The following CPA3 variants were observed in gnomAD, a reference collection of about 807,000 sequenced individuals.
CPA3 encodes carboxypeptidase A3, also known as mast cell carboxypeptidase A.
In CPA3, 52 loss-of-function variants were observed where a neutral mutation model predicts 55.8. That is an observed-to-expected ratio of 0.93 (90% CI 0.75 to 1.17). The LOEUF (loss-of-function observed/expected upper bound fraction) is 1.17. Among genes scored for constraint, CPA3 ranks in the 50% most tolerant of loss-of-function variants. The pLI is 0.00. For missense variants in CPA3, 547 were observed against 509.1 expected, an observed-to-expected ratio of 1.07 and a Z score of -0.72; for synonymous variants, 179 against 171.2, an observed-to-expected ratio of 1.05 and a Z score of -0.36.
At chr3:148,875,184 G>C (rs559317876) in intron 3 of CPA3, among the ~76,000 whole-genome samples, 8 of 152,190 alleles carry the variant, frequency 5.3e-5, no homozygotes, top group African/African-American at 1.9e-4. Context: ...CCAAAGACTA[G>C]AGTGAATGTT....
chr3:148,881,860 AAGT>A (rs1714376619), intron 7 of CPA3, among the ~76,000 whole-genome samples: 1 of 152,204 alleles, frequency 6.6e-6, no homozygotes, highest in Non-Finnish European at 1.5e-5. Context: ...AAATGAAATA[AAGT>A]AGTAATTACA....
intron 3 of CPA3, among the ~76,000 whole-genome samples, chr3:148,875,257 G>C (rs570640913): frequency 1.3e-5 from 2 of 152,274 alleles, no homozygotes; most frequent in Admixed American, 1.3e-4. Flanking sequence ...AAATACATGT[G>C]CATTTCATTA....
intron 10 of CPA3, among the ~76,000 whole-genome samples, chr3:148,891,489 CACACACACACACACACACACACAT>C (rs1361914209): frequency 3.4e-5 from 5 of 147,432 alleles, no homozygotes; most frequent in African/African-American, 1.0e-4. Context: ...CATACACACA[CACACACACACACACACACACACAT>C]ACACACACAC....
At chr3:148,868,775 A>G in intron 2 of CPA3, 140 bp from the exon 3 acceptor site, 1 of 879,706 alleles carries the variant, frequency 1.1e-6, no homozygotes, top group Non-Finnish European at 1.6e-6. Context: ...AATCCCATAA[A>G]CTTATTAAAA....
At position 148,865,467 on chromosome 3, in the gene CPA3, A is replaced by G. The variant is rs180983067; in HGVS notation, c.69-6A>G. On this transcript the variant is annotated splice_polypyrimidine_tract_variant and splice_region_variant and intron_variant, in intron 1 of 10. Transcript: ENST00000296046. ...CACTTTTTTTTTTTCATTTGCCTCC[A>G]CAAAGGGAGAAGGTGTTCCGCGTGA... The G allele has an allele frequency of 2.5e-3, 4,033 of 1,613,552 alleles. 14 individuals carry two copies. Among genetic ancestry groups the G allele is most frequent in the Middle Eastern group, 0.011 (64 of 6,060 alleles).
intron 3 of CPA3, among the ~76,000 whole-genome samples, chr3:148,870,463 A>T (rs185330507): frequency 9.9e-4 from 151 of 152,322 alleles, no homozygotes; most frequent in African/African-American, 3.5e-3. Flanking sequence ...ATTGAAATTT[A>T]AAAATCACGT....
rs778693111 is a variant in CPA3 at position 148,882,555 on chromosome 3, C to G, written c.738C>G (p.Ile246Met). The G allele has an allele frequency of 6.2e-7, 1 of 1,613,644 alleles. No individual in the cohort carries two copies. The highest frequency in any genetic ancestry group is 8.5e-7 in the Non-Finnish European group (1 of 1,179,680). The change falls in exon 8 of 11, where the codon ATC becomes ATG. Residue 246 changes from isoleucine (I) to methionine (M), a missense_variant. Coordinates refer to ENST00000296046, the MANE Select transcript of CPA3 (RefSeq NM_001870.4). ...CCAAGAACCAAAACTCCAAATGCATCGGCACTGACCTCAACAGGAATTTTA... is the reference window on the plus strand; with the variant it reads ...CCAAGAACCAAAACTCCAAATGCATGGGCACTGACCTCAACAGGAATTTTA... ...NRSKNQNSKC[I>M]GTDLNRNFNA... is the part of the protein sequence containing the mutation.
chr3:148,870,727 T>A (rs1348711515), intron 3 of CPA3, among the ~76,000 whole-genome samples: 1 of 152,064 alleles, frequency 6.6e-6, no homozygotes, highest in Non-Finnish European at 1.5e-5. Context: ...ATATACTAAG[T>A]TTTTCTGTTT....
At chr3:148,871,382 T>C (rs1392747305) in intron 3 of CPA3, among the ~76,000 whole-genome samples, 1 of 152,198 alleles carries the variant, frequency 6.6e-6, no homozygotes, top group African/African-American at 2.4e-5. Flanking sequence ...AATTAGGTAT[T>C]ATGTTTTCCT....
intron 10 of CPA3, among the ~76,000 whole-genome samples, chr3:148,895,501 T>G (rs1714801747): frequency 6.6e-6 from 1 of 152,210 alleles, no homozygotes; most frequent in Admixed American, 6.5e-5. Flanking sequence ...TCTGCCTCTA[T>G]TGACTTATAC....
At chr3:148,879,766 T>C in intron 5 of CPA3, 22 bp from the exon 6 acceptor site, 1 of 1,511,584 alleles carries the variant, frequency 6.6e-7, no homozygotes, top group Non-Finnish European at 9.2e-7. Context: ...CAAAACAATA[T>C]CTCAAGTTTA....
intron 9 of CPA3, among the ~76,000 whole-genome samples, chr3:148,884,808 C>T (rs1028563106): frequency 1.3e-5 from 2 of 150,806 alleles, no homozygotes; most frequent in Non-Finnish European, 2.9e-5. Flanking sequence ...ATGTACAGCA[C>T]TGTGATTTCA....
At chr3:148,891,412 C>T (rs1714662839) in intron 10 of CPA3, among the ~76,000 whole-genome samples, 1 of 151,274 alleles carries the variant, frequency 6.6e-6, no homozygotes, top group Non-Finnish European at 1.5e-5. Flanking sequence ...CCTGGGACGT[C>T]GAGGATACAG....
At chr3:148,873,891 ATTTGTATTAT>A (rs1237545162) in intron 3 of CPA3, among the ~76,000 whole-genome samples, 1 of 152,242 alleles carries the variant, frequency 6.6e-6, no homozygotes, top group African/African-American at 2.4e-5. Flanking sequence ...AACATTAAAC[ATTTGTATTAT>A]TCAATACTCA....
intron 10 of CPA3, among the ~76,000 whole-genome samples, chr3:148,889,675 G>C (rs937263499): frequency 3.3e-5 from 5 of 151,892 alleles, no homozygotes; most frequent in African/African-American, 1.2e-4. Context: ...TTTGAGACCA[G>C]TCTGGCCAAC....
chr3:148,895,599 A>G (rs957790), intron 10 of CPA3, among the ~76,000 whole-genome samples: 104,560 of 151,964 alleles, frequency 0.69, 36,214 homozygotes, highest in Middle Eastern at 0.76. Flanking sequence ...TACTCTCCCC[A>G]GTGCCAAGAA....
chr3:148,896,820 T>G lies in CPA3; in HGVS notation c.*113T>G. The G allele has an allele frequency of 1.1e-6, 1 of 900,644 alleles. No homozygotes were observed. The highest frequency in any genetic ancestry group is 1.6e-6 in the Non-Finnish European group (1 of 628,534). 55.8% of individuals were successfully genotyped at this position (900,644 alleles called of 1,614,324 possible). On this transcript the variant is annotated 3_prime_UTR_variant, in exon 11 of 11. Transcript: ENST00000296046. ...CTTCTATTTCACCTGAATCCTTCTC[T>G]TGCTCATTTAAGTCCCATGTTACTG...
intron 3 of CPA3, among the ~76,000 whole-genome samples, chr3:148,873,396 CA>C (rs1714122693): frequency 3.9e-5 from 6 of 151,984 alleles, no homozygotes; most frequent in Admixed American, 2.0e-4. Context: ...CACACACACA[CA>C]CACCCCAGAG....
intron 2 of CPA3, among the ~76,000 whole-genome samples, chr3:148,866,585 A>G (rs1445845441): frequency 6.6e-6 from 1 of 152,196 alleles, no homozygotes; most frequent in African/African-American, 2.4e-5. Context: ...TCCAAGCTCT[A>G]CGCTAGCTCT....
Sources: allele counts gnomAD v4.1 joint callset (sites outside exome capture counted in the v4.1 genomes callset), GRCh38; gene constraint gnomAD v4.1.1; transcripts MANE v1.5; gene names NCBI Gene and HGNC (gene_info 2026-07-23, HGNC 2026-07-21).